Variants in SH3RF2 observed in about 807,000 individuals in gnomAD.
The protein encoded by SH3RF2 is E3 ubiquitin-protein ligase SH3RF2.
A neutral mutation model predicts 59.0 loss-of-function variants in SH3RF2; 43 were observed. That is an observed-to-expected ratio of 0.73 (90% CI 0.57 to 0.94). The LOEUF is 0.94. Ranked by LOEUF, SH3RF2 falls within the 40% of genes least tolerant of loss-of-function variation. The pLI is 0.00. For synonymous variants in SH3RF2, 391 were observed against 391.5 expected (o/e 1.00, Z 0.01); for missense variants, 930 against 940.1 (o/e 0.99, Z 0.14).
intron 5 of SH3RF2, among the ~76,000 whole-genome samples, chr5:146,022,111 C>T (rs1005760089): frequency 1.3e-5 from 2 of 152,124 alleles, no homozygotes; most frequent in African/African-American, 4.8e-5. Flanking sequence ...TATAATGAAC[C>T]CTCATGTACA....
At chr5:145,966,513 T>G (rs1758862780) in intron 2 of SH3RF2, among the ~76,000 whole-genome samples, 2 of 152,224 alleles carry the variant, frequency 1.3e-5, no homozygotes, top group African/African-American at 4.8e-5. Context: ...ATGGGAATCA[T>G]TTGAATAAAA....
rs760102776 is a variant in SH3RF2, at chr5:146,059,913, G to A, written c.1603G>A (p.Val535Ile). The A allele has an allele frequency of 1.2e-5, 18 of 1,501,166 alleles. No homozygotes were observed. The highest frequency in any genetic ancestry group is 8.3e-5 in the South Asian group (6 of 71,988). The allele number at this position is 1,501,166 out of a possible 1,614,324, so 93.0% of individuals were successfully genotyped here. A position where few individuals can be genotyped will look rare whatever the true frequency, so the allele number is the denominator to read the frequency against. Reference protein sequence around the residue: ...PLQSGIPTLVVGSLRRSPTMV... With the variant: ...PLQSGIPTLVIGSLRRSPTMV... ...CCAGTCCGGGATCCCCACTCTCGTG[G>A]TAGGCTCCCTCAGACGCAGCCCCAC... The change falls in exon 9 of 10, where the codon GTA becomes ATA. Residue 535 changes from valine to isoleucine, a missense_variant. Coordinates refer to ENST00000359120, the MANE Select transcript of SH3RF2 (RefSeq NM_152550.4).
At chr5:146,076,675 G>A (rs1046042366) in intron 9 of SH3RF2, among the ~76,000 whole-genome samples, 2 of 152,190 alleles carry the variant, frequency 1.3e-5, no homozygotes, top group African/African-American at 4.8e-5. Flanking sequence ...ATTAGCTAAT[G>A]AGGAAGTGCT....
At chr5:146,011,019 C>T (rs1760868749) in intron 4 of SH3RF2, among the ~76,000 whole-genome samples, 2 of 152,140 alleles carry the variant, frequency 1.3e-5, no homozygotes, top group African/African-American at 4.8e-5. Flanking sequence ...TTAGGTCTAA[C>T]ATTTAAGTCT....
intron 5 of SH3RF2, among the ~76,000 whole-genome samples, chr5:146,025,855 T>A (rs896197920): frequency 1.3e-5 from 2 of 152,230 alleles, no homozygotes; most frequent in African/African-American, 4.8e-5. Context: ...AAATTAAGTA[T>A]CTAACCCCAA....
intron 2 of SH3RF2, among the ~76,000 whole-genome samples, chr5:145,963,822 C>CT (rs1273761688): frequency 7.4e-5 from 11 of 148,868 alleles, no homozygotes; most frequent in South Asian, 2.1e-4. Context: ...TTCTTTCTTT[C>CT]TTTTTTGTTT....
chr5:145,943,793 C>T (rs1407426021), intron 2 of SH3RF2, among the ~76,000 whole-genome samples: 1 of 152,150 alleles, frequency 6.6e-6, no homozygotes, highest in African/African-American at 2.4e-5. Context: ...CACAGGATGG[C>T]CTAAGCTCTG....
At chr5:146,071,935 T>G (rs1329042257) in intron 9 of SH3RF2, among the ~76,000 whole-genome samples, 2 of 152,190 alleles carry the variant, frequency 1.3e-5, no homozygotes, top group Non-Finnish European at 2.9e-5. Context: ...ATTTATTGGA[T>G]GTAGAGGCAC....
chr5:145,939,239 G>T (rs531003665), intron 2 of SH3RF2, among the ~76,000 whole-genome samples: 1 of 152,332 alleles, frequency 6.6e-6, no homozygotes, highest in East Asian at 1.9e-4. Flanking sequence ...GAAAGCTGTG[G>T]CTTGGGCCAT....
chr5:146,014,970 G>A (rs552102345), intron 5 of SH3RF2, among the ~76,000 whole-genome samples: 4 of 152,314 alleles, frequency 2.6e-5, no homozygotes, highest in African/African-American at 9.6e-5. Flanking sequence ...AGAGCTGCAT[G>A]TTGGGTATTC....
At chr5:145,982,007 G>A (rs376344728) in intron 2 of SH3RF2, among the ~76,000 whole-genome samples, 2 of 152,228 alleles carry the variant, frequency 1.3e-5, no homozygotes, top group South Asian at 2.1e-4. Flanking sequence ...TAATGTAAGG[G>A]AAGTAACTAA....
chr5:146,017,432 A>T (rs1298273627), intron 5 of SH3RF2, among the ~76,000 whole-genome samples: 1 of 152,044 alleles, frequency 6.6e-6, no homozygotes, highest in Admixed American at 6.6e-5. Context: ...CAGGATGTGG[A>T]TCCTGCTCGC....
intron 2 of SH3RF2, chr5:145,997,488 T>G: frequency 6.3e-7 from 1 of 1,583,848 alleles, no homozygotes; most frequent in East Asian, 2.2e-5. Context: ...TACAGTACAA[T>G]TTGGGAAAGA....
intron 2 of SH3RF2, among the ~76,000 whole-genome samples, chr5:145,959,901 C>T (rs1758564892): frequency 6.6e-6 from 1 of 152,074 alleles, no homozygotes; most frequent in South Asian, 2.1e-4. Context: ...CTTCCCAGGT[C>T]CTCTCTTTGG....
chr5:146,038,950 T>C (rs1483263932), intron 5 of SH3RF2, among the ~76,000 whole-genome samples: 1 of 152,248 alleles, frequency 6.6e-6, no homozygotes, highest in Non-Finnish European at 1.5e-5. Context: ...TAAGATGGCA[T>C]GGATCTAGCA....
intron 2 of SH3RF2, among the ~76,000 whole-genome samples, chr5:145,958,553 A>G (rs1223570314): frequency 6.6e-6 from 1 of 152,210 alleles, no homozygotes; most frequent in Non-Finnish European, 1.5e-5. Context: ...ATGCCTCCGT[A>G]TAAGGAATCA....
intron 9 of SH3RF2, among the ~76,000 whole-genome samples, chr5:146,076,521 C>T (rs896085107): frequency 1.3e-5 from 2 of 152,206 alleles, no homozygotes; most frequent in South Asian, 2.1e-4. Context: ...GACAGCATAA[C>T]TCCAAATCCT....
At chr5:146,015,787 T>C (rs1176555586) in intron 5 of SH3RF2, among the ~76,000 whole-genome samples, 1 of 152,226 alleles carries the variant, frequency 6.6e-6, no homozygotes, top group Non-Finnish European at 1.5e-5. Flanking sequence ...TTCCACAGTA[T>C]GGCACTGCAT....
intron 5 of SH3RF2, among the ~76,000 whole-genome samples, chr5:146,031,714 C>G (rs1362370421): frequency 1.3e-5 from 2 of 152,142 alleles, no homozygotes; most frequent in African/African-American, 4.8e-5. Flanking sequence ...GTAATCAATA[C>G]CCTTCCCCAT....
Sources: allele counts gnomAD v4.1 joint callset (sites outside exome capture counted in the v4.1 genomes callset), GRCh38; gene constraint gnomAD v4.1.1; transcripts MANE v1.5; gene names NCBI Gene and HGNC (gene_info 2026-07-23, HGNC 2026-07-21).